ULK2: variants seen among roughly 807,000 people sequenced by gnomAD.
The protein encoded by ULK2 is serine/threonine-protein kinase ULK2.
ULK2 carries 76 observed loss-of-function variants against 127.5 expected under a neutral mutation model. The observed-to-expected ratio is 0.60, with a 90% CI of 0.50 to 0.72. The LOEUF (loss-of-function observed/expected upper bound fraction) is 0.72, where lower values mean the gene tolerates loss of function less well. Ranked by LOEUF, ULK2 falls within the 30% of genes least tolerant of loss-of-function variation. The probability of loss-of-function intolerance (pLI) is 0.00; values close to 1 mark genes in which losing one functional copy is unlikely to be tolerated. For missense variants in ULK2, 1,144 were observed against 1,295.9 expected (o/e 0.88, Z 1.80); for synonymous variants, 452 against 461.9 (o/e 0.98, Z 0.28).
chr17:19,780,929 T>C, intron 24 of ULK2, 57 bp downstream of exon 24: 3 of 1,492,132 alleles, frequency 2.0e-6, no homozygotes, highest in South Asian at 2.3e-5. Flanking sequence ...CACAGTGTGA[T>C]GGGAAAGAGC....
At chr17:19,804,927 G>C in intron 14 of ULK2, 97 bp from the exon 15 acceptor site, 1 of 1,391,916 alleles carries the variant, frequency 7.2e-7, no homozygotes, top group Non-Finnish European at 9.6e-7. Flanking sequence ...ATTCCAGAAA[G>C]AGCCAAATGG....
intron 10 of ULK2, among the ~76,000 whole-genome samples, chr17:19,837,610 T>G (rs9906125): frequency 0.031 from 4,690 of 152,216 alleles, 229 homozygotes; most frequent in African/African-American, 0.11. Flanking sequence ...ATCCATATAG[T>G]CTTTCCCATC....
At chr17:19,866,255 G>A (rs2042348716) in intron 1 of ULK2, among the ~76,000 whole-genome samples, 1 of 152,088 alleles carries the variant, frequency 6.6e-6, no homozygotes, top group Non-Finnish European at 1.5e-5. Context: ...AGCACTTTGG[G>A]AGGCTGAGGC....
intron 14 of ULK2, among the ~76,000 whole-genome samples, chr17:19,809,920 T>C (rs2087597071): frequency 6.6e-6 from 1 of 150,874 alleles, no homozygotes; most frequent in African/African-American, 2.4e-5. Flanking sequence ...AAAAAATAAC[T>C]AAATAAAATT....
intron 9 of ULK2, 127 bp downstream of exon 9, chr17:19,841,362 G>T (rs1390722317): frequency 4.4e-6 from 4 of 918,860 alleles, no homozygotes; most frequent in Non-Finnish European, 6.5e-6. Flanking sequence ...CTAATTTGTT[G>T]TAACAAATGC....
intron 6 of ULK2, among the ~76,000 whole-genome samples, chr17:19,846,182 A>C (rs527705815): frequency 1.3e-5 from 2 of 152,218 alleles, no homozygotes; most frequent in African/African-American, 4.8e-5. Flanking sequence ...TAAGCACACC[A>C]CATCAATTTT....
At chr17:19,776,453 T>C (rs2086813538) in intron 26 of ULK2, 46 bp from the exon 27 acceptor site, 1 of 1,475,600 alleles carries the variant, frequency 6.8e-7, no homozygotes, top group Admixed American at 2.1e-5. Flanking sequence ...AAAAAATCAC[T>C]ATATTGTCAT....
chr17:19,796,003 C>T (rs927617278), intron 19 of ULK2, 92 bp downstream of exon 19: 3 of 1,499,820 alleles, frequency 2.0e-6, no homozygotes, highest in Admixed American at 4.3e-5. Flanking sequence ...TCACCCGCTA[C>T]ACTAATGTAG....
chr17:19,802,633 T>C (rs902961283), intron 15 of ULK2, among the ~76,000 whole-genome samples: 3 of 152,200 alleles, frequency 2.0e-5, no homozygotes, highest in Admixed American at 6.5e-5. Context: ...TCCACAGATG[T>C]GTAACTGTGA....
chr17:19,810,124 G>A (rs1342702925), intron 14 of ULK2, among the ~76,000 whole-genome samples: 2 of 151,236 alleles, frequency 1.3e-5, no homozygotes, highest in Non-Finnish European at 2.9e-5. Flanking sequence ...CCAGCTACTC[G>A]GGAGGCTGAG....
chr17:19,867,585 G>C lies in ULK2; in HGVS notation c.-168C>G. 3.0e-6 allele frequency: 1 copy of C among 333,614 alleles called. No individual in the cohort carries two copies. The highest frequency in any genetic ancestry group is 5.2e-6 in the Non-Finnish European group (1 of 193,960). The allele number at this position is 333,614 out of a possible 1,614,324, so 20.7% of individuals were successfully genotyped here. ...TGCCGAGAGACCGGAGCGGAAACTG[G>C]GGAAGCTGCCGCGCGGAGCCAGGGT... is the stretch of plus-strand genomic sequence containing the variant. On this transcript the variant is annotated 5_prime_UTR_variant, in exon 1 of 27. Coordinates refer to ENST00000395544, the MANE Select transcript of ULK2 (RefSeq NM_014683.4).
rs181815180 is a variant in ULK2, at chr17:19,837,346, G to C, written c.787+1155C>G. Among the ~76,000 whole-genome samples the C allele has an allele frequency of 2.1e-3, 323 of 151,538 alleles. 1 individual carries two copies. The highest frequency in any genetic ancestry group is 7.5e-3 in the African/African-American group (311 of 41,314). On this transcript the variant is annotated intron_variant, in intron 10 of 26. Coordinates refer to ENST00000395544, the MANE Select transcript of ULK2 (RefSeq NM_014683.4). ...GAGGTGGGAGGATCACCTGAGCCTGGGAAAGTCAAGGCTGCAGTGAGCCAT... is the reference window on the plus strand; with the variant it reads ...GAGGTGGGAGGATCACCTGAGCCTGCGAAAGTCAAGGCTGCAGTGAGCCAT...
At chr17:19,831,759 A>G (rs2041450041) in intron 10 of ULK2, among the ~76,000 whole-genome samples, 1 of 152,104 alleles carries the variant, frequency 6.6e-6, no homozygotes, top group South Asian at 2.1e-4. Flanking sequence ...CCCAGGAGGC[A>G]GGGGTTGTAG....
Position 19,867,396 on chromosome 17 carries a change from C to CG in ULK2, c.21dup (p.Glu8ArgfsTer26). 6.2e-7 allele frequency: 1 copy of CG among 1,600,402 alleles called. No homozygotes were observed. On this transcript the variant is annotated frameshift_variant, in exon 1 of 27. Transcript: ENST00000395544. LOFTEE classifies it high-confidence loss of function. ...CCCACGAGATCCCTCTTGCTGTACT[C>CG]GAAGTCACCCACCACCTCCATGGCC... is the stretch of plus-strand genomic sequence containing the variant.
intron 12 of ULK2, among the ~76,000 whole-genome samples, chr17:19,822,943 C>T (rs973543717): frequency 2.0e-5 from 3 of 151,406 alleles, no homozygotes; most frequent in African/African-American, 7.3e-5. Context: ...ACCTCAGCCT[C>T]CCAAAGTGCT....
chr17:19,802,709 A>G (rs1307534555), intron 15 of ULK2, among the ~76,000 whole-genome samples: 1 of 152,176 alleles, frequency 6.6e-6, no homozygotes, highest in Non-Finnish European at 1.5e-5. Flanking sequence ...ACTACACCAA[A>G]ACTCAGCAAG....
intron 3 of ULK2, among the ~76,000 whole-genome samples, chr17:19,851,861 T>C (rs984016851): frequency 3.3e-5 from 5 of 151,190 alleles, no homozygotes; most frequent in Non-Finnish European, 7.4e-5. Flanking sequence ...GCCTGGCCAA[T>C]ATGGTGAAAC....
In ULK2 at chr17:19,776,228, CT is replaced by C; in HGVS notation, c.*120del. The C allele has an allele frequency of 1.3e-6, 1 of 798,604 alleles. No individual in the cohort carries two copies. Among genetic ancestry groups the C allele is most frequent in the Non-Finnish European group, 1.9e-6 (1 of 537,710 alleles). The allele number at this position is 798,604 out of a possible 1,614,324, so 49.5% of individuals were successfully genotyped here. ...TTCCTTTTTCAAATCACTGCTTGTTCTTTGGTAGTCACCAGTTAAGAAGCTA... is the reference window on the plus strand; with the variant it reads ...TTCCTTTTTCAAATCACTGCTTGTTCTTGGTAGTCACCAGTTAAGAAGCTA... On this transcript the variant is annotated 3_prime_UTR_variant, in exon 27 of 27. Coordinates refer to ENST00000395544, the MANE Select transcript of ULK2 (RefSeq NM_014683.4).
Position 19,786,070 on chromosome 17 carries a change from A to G in ULK2, c.2118T>C (p.Cys706=), listed in dbSNP as rs763352105. The G allele has an allele frequency of 1.9e-6, 3 of 1,564,050 alleles. No homozygotes were observed. Among genetic ancestry groups the G allele is most frequent in the Non-Finnish European group, 1.7e-6 (2 of 1,162,426 alleles). Residue 706 remains cysteine, a synonymous_variant, in exon 21 of 27, where the codon TGT becomes TGC. Transcript: ENST00000395544. The part of the protein sequence containing the change: ...RPMDIAPAGA[C]GGVLAPPAGT... ...CTGCAGGAGGTGCCAGAACACCACC[A>G]CAGGCTCCTGCCGGAGCTACAACAA...
Sources: allele counts gnomAD v4.1 joint callset (sites outside exome capture counted in the v4.1 genomes callset), GRCh38; gene constraint gnomAD v4.1.1; transcripts MANE v1.5; gene names NCBI Gene and HGNC (gene_info 2026-07-23, HGNC 2026-07-21).